UBR3: variants seen among roughly 807,000 people sequenced by gnomAD.
UBR3 encodes E3 ubiquitin-protein ligase UBR3.
UBR3 carries 85 observed loss-of-function variants against 243.2 expected under a neutral mutation model. The observed-to-expected ratio is 0.35, with a 90% CI of 0.29 to 0.42. The LOEUF (loss-of-function observed/expected upper bound fraction) is 0.42, where lower values mean the gene tolerates loss of function less well. Ranked by LOEUF, UBR3 falls within the 10% of genes least tolerant of loss-of-function variation. UBR3 has a pLI of 1.00. For synonymous variants in UBR3, 748 were observed against 799.8 expected (o/e 0.94, Z 1.09); for missense variants, 1,686 against 2,300.8 (o/e 0.73, Z 5.47).
At chr2:169,852,997 A>G (rs7589196) in intron 1 of UBR3, among the ~76,000 whole-genome samples, 28,075 of 152,132 alleles carry the variant, frequency 0.18, 2,859 homozygotes, top group East Asian at 0.37. Context: ...ACTAAATTAA[A>G]TAATTAACTT....
At chr2:170,021,034 G>T (rs1051187979) in intron 30 of UBR3, among the ~76,000 whole-genome samples, 1 of 152,030 alleles carries the variant, frequency 6.6e-6, no homozygotes, top group African/African-American at 2.4e-5. Context: ...GAGGAGTTTG[G>T]TAAGCCTTTT....
At chr2:170,041,223 T>G (rs1292342561) in intron 32 of UBR3, among the ~76,000 whole-genome samples, 1 of 152,214 alleles carries the variant, frequency 6.6e-6, no homozygotes, top group African/African-American at 2.4e-5. Flanking sequence ...GTATGATGGA[T>G]ACTTTTTGTG....
intron 30 of UBR3, among the ~76,000 whole-genome samples, chr2:170,017,540 C>G (rs62172022): frequency 0.092 from 4,010 of 43,412 alleles, 81 homozygotes; most frequent in African/African-American, 0.14. Context: ...CACACACACA[C>G]ACACAGACAC....
At chr2:170,005,093 G>A (rs1025894644) in intron 27 of UBR3, among the ~76,000 whole-genome samples, 10 of 152,090 alleles carry the variant, frequency 6.6e-5, no homozygotes, top group Non-Finnish European at 1.5e-4. Flanking sequence ...GCGCTGTGGC[G>A]GGTGCCTGTA....
chr2:169,992,355 A>G (rs929790548), intron 25 of UBR3, among the ~76,000 whole-genome samples: 9 of 152,188 alleles, frequency 5.9e-5, no homozygotes, highest in Non-Finnish European at 1.0e-4. Flanking sequence ...ATGCTTCTCA[A>G]ACTTGTCCAA....
intron 31 of UBR3, 110 bp from the exon 32 acceptor site, chr2:170,040,769 CTTT>C: frequency 1.2e-6 from 1 of 829,398 alleles, no homozygotes. Context: ...TACATTTCTT[CTTT>C]GTGTATTAAA....
chr2:169,849,193 T>G (rs2082580874), intron 1 of UBR3, among the ~76,000 whole-genome samples: 1 of 152,142 alleles, frequency 6.6e-6, no homozygotes, highest in South Asian at 2.1e-4. Context: ...TTGTAACGAG[T>G]TGTTTGGCAT....
intron 1 of UBR3, among the ~76,000 whole-genome samples, chr2:169,870,748 G>A (rs1202711698): frequency 6.6e-6 from 1 of 151,700 alleles, no homozygotes; most frequent in Non-Finnish European, 1.5e-5. Flanking sequence ...CCGCCTCCCA[G>A]GTTCAAGCGA....
At chr2:170,007,696 T>C (rs1011761406) in intron 28 of UBR3, among the ~76,000 whole-genome samples, 1 of 151,854 alleles carries the variant, frequency 6.6e-6, no homozygotes, top group South Asian at 2.1e-4. Context: ...AAACCGCATC[T>C]CTACTAAAAA....
intron 29 of UBR3, chr2:170,014,000 T>A (rs777712742): frequency 2.2e-6 from 1 of 462,844 alleles, no homozygotes; most frequent in South Asian, 1.6e-5. Context: ...CAGTGAGCAA[T>A]GCAAATCGCC....
chr2:169,846,440 G>A (rs1260749657), intron 1 of UBR3, among the ~76,000 whole-genome samples: 2 of 151,916 alleles, frequency 1.3e-5, no homozygotes, highest in African/African-American at 2.4e-5. Context: ...GGCTGGGTGC[G>A]CTGGCTCACG....
intron 1 of UBR3, among the ~76,000 whole-genome samples, chr2:169,863,555 C>T (rs1301737349): frequency 6.6e-6 from 1 of 152,160 alleles, no homozygotes; most frequent in African/African-American, 2.4e-5. Flanking sequence ...TATCTGTGAC[C>T]TCTGAGCTGC....
intron 1 of UBR3, among the ~76,000 whole-genome samples, chr2:169,838,385 A>G (rs868740862): frequency 2.0e-4 from 26 of 131,682 alleles, no homozygotes; most frequent in African/African-American, 7.9e-4. Context: ...AGATTAAGGC[A>G]TTTGTGTGTG....
At chr2:169,978,357 C>G (rs1347772857) in intron 24 of UBR3, among the ~76,000 whole-genome samples, 2 of 151,970 alleles carry the variant, frequency 1.3e-5, no homozygotes, top group Admixed American at 6.6e-5. Context: ...ACATTTTGCT[C>G]TCTGTTGTAG....
intron 32 of UBR3, among the ~76,000 whole-genome samples, chr2:170,043,815 A>G (rs2091022372): frequency 6.6e-6 from 1 of 152,144 alleles, no homozygotes; most frequent in Non-Finnish European, 1.5e-5. Flanking sequence ...TGTGCTTTAT[A>G]TTATTTCTTA....
chr2:169,875,549 G>A (rs769902757), intron 2 of UBR3, among the ~76,000 whole-genome samples: 5 of 152,100 alleles, frequency 3.3e-5, no homozygotes, highest in Non-Finnish European at 5.9e-5. Context: ...ATCTTAGGAG[G>A]TCATCTGTGT....
intron 32 of UBR3, among the ~76,000 whole-genome samples, chr2:170,049,779 C>T (rs558471546): frequency 6.6e-6 from 1 of 152,230 alleles, no homozygotes; most frequent in South Asian, 2.1e-4. Context: ...TCTTTACTAT[C>T]GCCCTCTCCA....
chr2:169,986,927 A>C (rs895423793), intron 25 of UBR3, 133 bp downstream of exon 25: 6 of 897,012 alleles, frequency 6.7e-6, no homozygotes, highest in Non-Finnish European at 9.6e-6. Flanking sequence ...TTTAGATCCA[A>C]ATAACAAAGA....
chr2:169,872,360 G>C lies in UBR3; in HGVS notation c.670G>C (p.Gly224Arg). 2 of 1,475,002 alleles carry C rather than the reference G, an allele frequency of 1.4e-6. No homozygotes were observed. The highest frequency in any genetic ancestry group is 5.1e-5 in the East Asian group (2 of 39,132). 91.4% of individuals were successfully genotyped at this position (1,475,002 alleles called of 1,614,324 possible). A position where few individuals can be genotyped will look rare whatever the true frequency, so the allele number is the denominator to read the frequency against. ...TTGTCTTATTCAGTACTTAAGAGAA[G>C]GCTATAATGAACCAGGTATGTTTTA... ...IFCLIQYLRE[G>R]YNEPAADGPS... Residue 224 changes from glycine to arginine, a missense_variant, in exon 2 of 39, where the codon GGC becomes CGC. Physicochemically the swap from Gly to Arg is moderately radical, Grantham distance 125. This residue lies in a region of UBR3 where 200 missense variants were observed against 231.6 expected (regional missense o/e 0.86). Coordinates refer to ENST00000272793, the MANE Select transcript of UBR3 (RefSeq NM_172070.4).
Sources: gnomAD v4.1 joint callset for allele counts (sites outside exome capture counted in the v4.1 genomes callset) on GRCh38, gnomAD v4.1.1 for gene constraint, gnomAD v4.1.1 regional missense constraint, MANE v1.5 for transcripts, NCBI Gene and HGNC (gene_info 2026-07-23, HGNC 2026-07-21) for gene names.